Variants in IL1RAP observed in about 807,000 individuals in gnomAD.
IL1RAP encodes the protein interleukin-1 receptor accessory protein.
IL1RAP carries 35 observed loss-of-function variants against 60.7 expected under a neutral mutation model. The observed-to-expected ratio is 0.58, with a 90% CI of 0.44 to 0.76. IL1RAP has a LOEUF of 0.76. Among genes scored for constraint, IL1RAP ranks in the 30% least tolerant of loss-of-function variants. The pLI is 0.00. For missense variants in IL1RAP, 572 were observed against 693.9 expected (o/e 0.82, Z 1.97); for synonymous variants, 268 against 250.9 (o/e 1.07, Z -0.64).
rs773678948 is a variant in IL1RAP at position 190,648,558 on chromosome 3, G to A, written c.1566G>A (p.Thr522=). ...KELKRAKTVL[T]VIKWKGEKSK... is the part of the protein sequence containing the mutation. ...TGAAGAGGGCTAAGACGGTGCTCAC[G>A]GTCATTAAATGGAAAGGGGAAAAAT... The change falls in exon 12 of 12, where the codon ACG becomes ACA. Residue 522 remains threonine (T), a synonymous_variant. Coordinates refer to ENST00000447382, the MANE Select transcript of IL1RAP (RefSeq NM_002182.4). The A allele has an allele frequency of 1.5e-5, 24 of 1,614,012 alleles. No homozygotes were observed. The highest frequency in any genetic ancestry group is 1.9e-5 in the Non-Finnish European group (22 of 1,180,022).
intron 7 of IL1RAP, among the ~76,000 whole-genome samples, chr3:190,626,996 C>A (rs1037134645): frequency 6.6e-6 from 1 of 152,086 alleles, no homozygotes; most frequent in Non-Finnish European, 1.5e-5. Context: ...AAACAAATAT[C>A]ATCATTTTAG....
At chr3:190,652,445 A>G (rs1395792659), downstream of IL1RAP, among the ~76,000 whole-genome samples, 2 of 150,768 alleles carry the variant, frequency 1.3e-5, no homozygotes, top group Non-Finnish European at 2.9e-5. Context: ...CTGGCGACAG[A>G]GCGAGACTTC....
intron 3 of IL1RAP, among the ~76,000 whole-genome samples, chr3:190,572,191 A>T (rs1358125690): frequency 6.6e-6 from 1 of 152,194 alleles, no homozygotes; most frequent in East Asian, 1.9e-4. Flanking sequence ...GACTATCCCA[A>T]AATTGCTTAA....
At chr3:190,586,211 T>A (rs1728444610) in intron 3 of IL1RAP, among the ~76,000 whole-genome samples, 1 of 152,220 alleles carries the variant, frequency 6.6e-6, no homozygotes, top group Admixed American at 6.5e-5. Context: ...TTGCTTCATT[T>A]TGCTTTGTGT....
intron 2 of IL1RAP, among the ~76,000 whole-genome samples, chr3:190,559,774 T>C (rs1228434345): frequency 1.3e-5 from 2 of 152,230 alleles, no homozygotes; most frequent in East Asian, 3.8e-4. Flanking sequence ...TAAAATTTGA[T>C]TTATGATACA....
intron 1 of IL1RAP, among the ~76,000 whole-genome samples, chr3:190,549,502 C>A: frequency 6.6e-6 from 1 of 152,090 alleles, no homozygotes; most frequent in East Asian, 1.9e-4. Context: ...GGTTGCAAGA[C>A]CATTTGGAGT....
intron 2 of IL1RAP, among the ~76,000 whole-genome samples, chr3:190,560,749 A>G (rs1308174504): frequency 6.6e-6 from 1 of 152,214 alleles, no homozygotes; most frequent in Admixed American, 6.5e-5. Flanking sequence ...AGGAGATGCT[A>G]ATGATTACCA....
chr3:190,622,787 A>G (rs1179536478), intron 6 of IL1RAP, among the ~76,000 whole-genome samples: 1 of 152,140 alleles, frequency 6.6e-6, no homozygotes, highest in Non-Finnish European at 1.5e-5. Context: ...CTCATTGTTT[A>G]GGGTTTTTAT....
chr3:190,547,801 G>C (rs1001200363), intron 1 of IL1RAP, among the ~76,000 whole-genome samples: 1 of 152,112 alleles, frequency 6.6e-6, no homozygotes, highest in African/African-American at 2.4e-5. Flanking sequence ...TGAGGCATAG[G>C]GACAATGAAA....
chr3:190,598,991 T>C (rs1729620880), intron 3 of IL1RAP, among the ~76,000 whole-genome samples: 1 of 152,220 alleles, frequency 6.6e-6, no homozygotes, highest in Admixed American at 6.5e-5. Context: ...TTTGTAACCA[T>C]TTTTATAGCT....
chr3:190,644,307 G>C lies in IL1RAP; in HGVS notation c.1111G>C (p.Val371Leu). The C allele has an allele frequency of 6.2e-7, 1 of 1,613,994 alleles. No homozygotes were observed. The highest frequency in any genetic ancestry group is 1.1e-5 in the South Asian group (1 of 91,080). Residue 371 changes from valine to leucine, a missense_variant, in exon 10 of 12, where the codon GTG becomes CTG. Coordinates refer to ENST00000447382, the MANE Select transcript of IL1RAP (RefSeq NM_002182.4). The stretch of plus-strand genomic sequence containing the variant: ...TGGTTTTGGAGCCACAGTCCTGCTA[G>C]TGGTGATTCTCATTGTTGTTTACCA... ...ACGFGATVLL[V>L]VILIVVYHVY...
At chr3:190,618,271 GTTCA>G (rs1374589857) in intron 5 of IL1RAP, among the ~76,000 whole-genome samples, 6 of 152,134 alleles carry the variant, frequency 3.9e-5, no homozygotes, top group African/African-American at 1.4e-4. Flanking sequence ...TCTAGGCCTT[GTTCA>G]TTCATCTATA....
intron 3 of IL1RAP, among the ~76,000 whole-genome samples, chr3:190,569,677 T>C (rs556513936): frequency 1.3e-5 from 2 of 152,214 alleles, no homozygotes; most frequent in South Asian, 2.1e-4. Context: ...TGTAGCCTGA[T>C]TGAAAAGAAA....
chr3:190,531,912 G>A (rs1271085440), intron 1 of IL1RAP, among the ~76,000 whole-genome samples: 1 of 152,172 alleles, frequency 6.6e-6, no homozygotes, highest in Admixed American at 6.5e-5. Context: ...TTTCGCAGCA[G>A]CCATTAAATG....
intron 3 of IL1RAP, among the ~76,000 whole-genome samples, chr3:190,580,467 G>T (rs768053530): frequency 6.6e-6 from 1 of 152,134 alleles, no homozygotes; most frequent in African/African-American, 2.4e-5. Flanking sequence ...TTGAGTGTCA[G>T]TCAGCCCTAA....
chr3:190,534,759 C>T (rs908559445), intron 1 of IL1RAP, among the ~76,000 whole-genome samples: 1 of 152,050 alleles, frequency 6.6e-6, no homozygotes, highest in Non-Finnish European at 1.5e-5. Flanking sequence ...CATCTTCTCA[C>T]ATTTCCACTA....
intron 3 of IL1RAP, among the ~76,000 whole-genome samples, chr3:190,565,415 T>A (rs1324636145): frequency 6.6e-6 from 1 of 152,234 alleles, no homozygotes; most frequent in Non-Finnish European, 1.5e-5. Flanking sequence ...ATATATGCCT[T>A]CAACTGTTTT....
intron 1 of IL1RAP, among the ~76,000 whole-genome samples, chr3:190,553,669 G>C (rs967774832): frequency 3.3e-5 from 5 of 152,202 alleles, no homozygotes; most frequent in African/African-American, 1.2e-4. Context: ...GGAAAGGCTG[G>C]GTTGGACTGA....
At chr3:190,613,154 G>C (rs957282006) in intron 5 of IL1RAP, among the ~76,000 whole-genome samples, 4 of 151,328 alleles carry the variant, frequency 2.6e-5, no homozygotes, top group African/African-American at 9.7e-5. Flanking sequence ...TATCCTAGAA[G>C]ACAGCATATT....
Sources: allele counts gnomAD v4.1 joint callset (sites outside exome capture counted in the v4.1 genomes callset), GRCh38; gene constraint gnomAD v4.1.1; transcripts MANE v1.5; gene names NCBI Gene and HGNC (gene_info 2026-07-23, HGNC 2026-07-21).